Variants in ZNF845 observed in about 807,000 individuals in gnomAD.
The protein encoded by ZNF845 is zinc finger protein 845.
Under a neutral mutation model 76.1 loss-of-function variants are expected in ZNF845, and 59 were observed. The observed-to-expected ratio is 0.78, with a 90% CI of 0.63 to 0.96. The LOEUF (loss-of-function observed/expected upper bound fraction) is 0.96, where lower values mean the gene tolerates loss of function less well. Ranked by LOEUF, ZNF845 falls within the 40% of genes least tolerant of loss-of-function variation. The pLI, the probability that ZNF845 is intolerant of heterozygous loss-of-function variation, is 0.00. For missense variants in ZNF845, 1,045 were observed against 1,172.8 expected (o/e 0.89, Z 1.59); for synonymous variants, 361 against 386.9 (o/e 0.93, Z 0.78).
At chr19:53,345,725 C>G (rs1450938720) in intron 3 of ZNF845, 93 bp downstream of exon 3, 1 of 1,579,432 alleles carries the variant, frequency 6.3e-7, no homozygotes, top group Non-Finnish European at 8.6e-7. Flanking sequence ...CTCTGTCACC[C>G]AGGGTGGAGT....
Position 53,341,291 on chromosome 19 carries a change from A to G in ZNF845, c.-17A>G, listed in dbSNP as rs1438977934. 1.9e-6 allele frequency: 3 copies of G among 1,613,880 alleles called. No homozygotes were observed. Among genetic ancestry groups the G allele is most frequent in the Admixed American group, 1.7e-5 (1 of 60,000 alleles). On this transcript the variant is annotated 5_prime_UTR_variant, in exon 2 of 4. Transcript: ENST00000458035. ...GAAGAAACCCGGAAGAGGAAGAGGAAAGCAAAGGAGTCAGGGATGGCTCTT... is the reference window on the plus strand; with the variant it reads ...GAAGAAACCCGGAAGAGGAAGAGGAGAGCAAAGGAGTCAGGGATGGCTCTT...
chr19:53,346,359 G>A lies in ZNF845; in HGVS notation c.142+727G>A, dbSNP rs573363659. 6.2e-4 allele frequency: 249 copies of A among 398,466 alleles called. 6 individuals carry two copies. Among genetic ancestry groups the A allele is most frequent in the South Asian group, 4.1e-3 (247 of 59,940 alleles). The allele number at this position is 398,466 out of a possible 1,614,324, so 24.7% of individuals were successfully genotyped here. ...AGGCAGCAGTGCCGTATGTGATCTT[G>A]GCTCACCGCAGCCGGCTTCGCTCTC... On this transcript the variant is annotated intron_variant, in intron 3 of 3. Transcript: ENST00000458035.
chr19:53,335,040 A>T lies in ZNF845; in HGVS notation c.-74+1248A>T, dbSNP rs1020387060. Among the ~76,000 whole-genome samples, 11 of 152,224 alleles carry T rather than the reference A, an allele frequency of 7.2e-5. No homozygotes were observed. In the East Asian group the frequency reaches 1.2e-3, roughly 16 times the overall value. On this transcript the variant is annotated intron_variant, in intron 1 of 3. Coordinates refer to ENST00000458035, the MANE Select transcript of ZNF845 (RefSeq NM_138374.3). Reference sequence around the variant, plus strand: ...AGAACTTGTTTAAATTATACAGATGATATTGAGAATTTTAAAATTCCTATC... The same window carrying T: ...AGAACTTGTTTAAATTATACAGATGTTATTGAGAATTTTAAAATTCCTATC...
At chr19:53,342,115 ATAT>A (rs994493605) in intron 2 of ZNF845, among the ~76,000 whole-genome samples, 9 of 150,380 alleles carry the variant, frequency 6.0e-5, no homozygotes, top group African/African-American at 1.9e-4. Flanking sequence ...TATTATTATA[ATAT>A]TATTATATTT....
chr19:53,353,834 CT>C lies in ZNF845; in HGVS notation c.*249del, dbSNP rs2085364685. 7.8e-6 allele frequency: 11 copies of C among 1,414,580 alleles called. No individual in the cohort carries two copies. The highest frequency in any genetic ancestry group is 1.0e-5 in the Non-Finnish European group (11 of 1,047,902). The allele number at this position is 1,414,580 out of a possible 1,614,324, so 87.6% of individuals were successfully genotyped here. Reference sequence around the variant, plus strand: ...TCAGGCAATCCATGGTATAGGGAAACTTTACTAATGTAATGATTATCACAAA... The same window carrying C: ...TCAGGCAATCCATGGTATAGGGAAACTTACTAATGTAATGATTATCACAAA... On this transcript the variant is annotated 3_prime_UTR_variant, in exon 4 of 4. Transcript: ENST00000458035.
Position 53,351,400 on chromosome 19 carries a change from A to G in ZNF845, c.725A>G (p.Gln242Arg). The change falls in exon 4 of 4, where the codon CAA becomes CGA. Residue 242 changes from glutamine (Q) to arginine (R), a missense_variant. Physicochemically the swap from Gln to Arg is conservative, Grantham distance 43. Coordinates refer to ENST00000458035, the MANE Select transcript of ZNF845 (RefSeq NM_138374.3). ...KHQIIHLGAK[Q>R]YKCDVCGKVF... is the part of the protein sequence containing the mutation. ...CAGATAATCCATTTAGGAGCGAAAC[A>G]ATATAAATGTGATGTGTGTGGCAAG... The G allele has an allele frequency of 6.2e-7, 1 of 1,614,224 alleles. No homozygotes were observed. The highest frequency in any genetic ancestry group is 8.5e-7 in the Non-Finnish European group (1 of 1,180,034).
chr19:53,352,816 C>T lies in ZNF845; in HGVS notation c.2141C>T (p.Thr714Ile), dbSNP rs564073956. 2 of 1,613,782 alleles carry T rather than the reference C, an allele frequency of 1.2e-6. No individual in the cohort carries two copies. The highest frequency in any genetic ancestry group is 2.2e-5 in the East Asian group (1 of 44,822). Residue 714 changes from threonine (T) to isoleucine (I), a missense_variant, in exon 4 of 4, where the codon ACT (threonine) becomes ATT (isoleucine). Thr to Ile is a moderately conservative substitution (Grantham distance 89). Transcript: ENST00000458035. ...CTTATAATTCACAAGGCAATTCATA[C>T]TGGAGAGAAACCTTACAAGTGTAAT... ...SALIIHKAIH[T>I]GEKPYKCNEC...
At chr19:53,347,745 T>C (rs1208825228) in intron 3 of ZNF845, among the ~76,000 whole-genome samples, 1 of 152,242 alleles carries the variant, frequency 6.6e-6, no homozygotes, top group East Asian at 1.9e-4. Flanking sequence ...GTCATTTCAC[T>C]GTCCTCTCAG....
intron 3 of ZNF845, among the ~76,000 whole-genome samples, chr19:53,345,925 C>G (rs1319074695): frequency 6.6e-6 from 1 of 150,942 alleles, no homozygotes; most frequent in East Asian, 1.9e-4. Flanking sequence ...GTTGTTGAAG[C>G]TGGTCTTGGT....
At position 53,351,330 on chromosome 19, in the gene ZNF845, G is replaced by C. The variant is rs746386737; in HGVS notation, c.655G>C (p.Glu219Gln). 3 of 1,614,216 alleles carry C rather than the reference G, an allele frequency of 1.9e-6. No homozygotes were observed. The highest frequency in any genetic ancestry group is 2.5e-6 in the Non-Finnish European group (3 of 1,180,040). Residue 219 changes from glutamate (E) to glutamine (Q), a missense_variant, in exon 4 of 4, where the codon GAG becomes CAG. By Grantham distance (29) the Glu-to-Gln change is conservative. Transcript: ENST00000458035. ...HMREKSFQCN[E>Q]SGKAFNYSSV... ...GAGAGAAAAATCTTTCCAATGTAATGAGAGTGGCAAAGCCTTTAATTATAG... is the reference window on the plus strand; with the variant it reads ...GAGAGAAAAATCTTTCCAATGTAATCAGAGTGGCAAAGCCTTTAATTATAG...
In ZNF845 at chr19:53,351,299, A is replaced by G. The variant is rs778869993; in HGVS notation, c.624A>G (p.Val208=). ...NSSLLTQKQE[V]HMREKSFQCN... ...CATTACTCACACAAAAGCAGGAAGT[A>G]CACATGAGAGAAAAATCTTTCCAAT... Residue 208 remains valine, a synonymous_variant, in exon 4 of 4, where the codon GTA becomes GTG. Coordinates refer to ENST00000458035, the MANE Select transcript of ZNF845 (RefSeq NM_138374.3). 1.2e-6 allele frequency: 2 copies of G among 1,614,258 alleles called. No individual in the cohort carries two copies. The highest frequency in any genetic ancestry group is 3.3e-5 in the Admixed American group (2 of 60,036).
intron 2 of ZNF845, among the ~76,000 whole-genome samples, chr19:53,342,139 A>T (rs1000456886): frequency 6.6e-6 from 1 of 151,128 alleles, no homozygotes; most frequent in Non-Finnish European, 1.5e-5. Flanking sequence ...TAAATATACA[A>T]AGTCTTGCTT....
rs1235358446 is a variant in ZNF845 at position 53,355,582 on chromosome 19, A to C, written c.*1994A>C. On this transcript the variant is annotated 3_prime_UTR_variant, in exon 4 of 4. Coordinates refer to ENST00000458035, the MANE Select transcript of ZNF845 (RefSeq NM_138374.3). ...ATTGCTGGGATTATGGGTGTGAGCC[A>C]TGAGCCCGGCCCCAACAAATGTAAT... The C allele has an allele frequency of 6.6e-6, 1 of 152,132 alleles. No individual in the cohort carries two copies. Among genetic ancestry groups the C allele is most frequent in the African/African-American group, 2.4e-5 (1 of 41,422 alleles). The allele number at this position is 152,132 out of a possible 1,614,324, so 9.4% of individuals were successfully genotyped here.
At chr19:53,348,879 CAG>C (rs1388691441) in intron 3 of ZNF845, among the ~76,000 whole-genome samples, 7 of 107,590 alleles carry the variant, frequency 6.5e-5, no homozygotes, top group African/African-American at 2.6e-4. Flanking sequence ...TTTTGTGAGA[CAG>C]AGTCTCACCC....
intron 1 of ZNF845, among the ~76,000 whole-genome samples, chr19:53,336,258 C>A (rs941737859): frequency 6.6e-6 from 1 of 151,050 alleles, no homozygotes; most frequent in East Asian, 1.9e-4. Flanking sequence ...TGGCTCATGC[C>A]TGTAATCCCA....
At chr19:53,348,311 G>T (rs77368254) in intron 3 of ZNF845, among the ~76,000 whole-genome samples, 1 of 152,090 alleles carries the variant, frequency 6.6e-6, no homozygotes, top group African/African-American at 2.4e-5. Flanking sequence ...GGAGGCTTAC[G>T]GCACAGATAT....
At position 53,356,865 on chromosome 19, in the gene ZNF845, A is replaced by G. The variant is rs1599997087; in HGVS notation, c.*3277A>G. On this transcript the variant is annotated 3_prime_UTR_variant, in exon 4 of 4. Coordinates refer to ENST00000458035, the MANE Select transcript of ZNF845 (RefSeq NM_138374.3). ...AATGGCGTGAACCCAGGGGGGCGGA[A>G]CCTGCAGTGAGCCGAGATCGCACCA... 1 of 141,772 alleles carries G rather than the reference A, an allele frequency of 7.1e-6. No homozygotes were observed. Among genetic ancestry groups the G allele is most frequent in the South Asian group, 2.3e-4 (1 of 4,310 alleles). 8.8% of individuals were successfully genotyped at this position (141,772 alleles called of 1,614,324 possible). A position where few individuals can be genotyped will look rare whatever the true frequency, so the allele number is the denominator to read the frequency against.
intron 1 of ZNF845, among the ~76,000 whole-genome samples, chr19:53,336,508 T>G (rs1222617603): frequency 6.6e-6 from 1 of 151,820 alleles, no homozygotes; most frequent in Non-Finnish European, 1.5e-5. Flanking sequence ...AGGCTTCATC[T>G]CAAAAAAACA....
At chr19:53,340,928 G>A (rs1186453174) in intron 1 of ZNF845, 3 of 391,640 alleles carry the variant, frequency 7.7e-6, no homozygotes, top group African/African-American at 4.1e-5. Context: ...AGCTGCAGGT[G>A]CAAACACCCC....
Sources: gnomAD v4.1 joint callset for allele counts (sites outside exome capture counted in the v4.1 genomes callset) on GRCh38, gnomAD v4.1.1 for gene constraint, MANE v1.5 for transcripts, NCBI Gene and HGNC (gene_info 2026-07-23, HGNC 2026-07-21) for gene names.